CMTM7: variants seen among roughly 807,000 people sequenced by gnomAD.
CMTM7 encodes the protein CKLF like MARVEL transmembrane domain containing 7, also known as CKLF-like MARVEL transmembrane domain-containing protein 7.
CMTM7 carries 7 observed loss-of-function variants against 19.3 expected under a neutral mutation model. That is an observed-to-expected ratio of 0.36 (90% CI 0.21 to 0.68). The LOEUF is 0.68. CMTM7 is among the 30% of genes least tolerant of loss of function. The pLI, the probability that CMTM7 is intolerant of heterozygous loss-of-function variation, is 0.60. For synonymous variants in CMTM7, 87 were observed against 99.3 expected (o/e 0.88, Z 0.74); for missense variants, 193 against 232.6 (o/e 0.83, Z 1.11).
At chr3:32,420,114 T>A (rs991289927) in intron 1 of CMTM7, among the ~76,000 whole-genome samples, 1 of 152,236 alleles carries the variant, frequency 6.6e-6, no homozygotes, top group Non-Finnish European at 1.5e-5. Context: ...GTTGTCACCT[T>A]AGAAGAACAG....
chr3:32,402,724 G>A (rs982387156), intron 1 of CMTM7, among the ~76,000 whole-genome samples: 18 of 152,108 alleles, frequency 1.2e-4, no homozygotes, highest in African/African-American at 4.1e-4. Flanking sequence ...CCGCTACTGC[G>A]CCCGGCTAAC....
intron 1 of CMTM7, among the ~76,000 whole-genome samples, chr3:32,407,888 C>T (rs347127): frequency 0.29 from 43,763 of 152,104 alleles, 7,786 homozygotes; most frequent in South Asian, 0.42. Flanking sequence ...AGATTATTTT[C>T]TAGATGTAGT....
intron 1 of CMTM7, among the ~76,000 whole-genome samples, chr3:32,416,402 C>A (rs1429441178): frequency 3.0e-5 from 2 of 66,222 alleles, no homozygotes; most frequent in Non-Finnish European, 5.2e-5. Flanking sequence ...TTTTTTGAGA[C>A]GGAGTCTCGC....
intron 1 of CMTM7, among the ~76,000 whole-genome samples, chr3:32,439,677 T>G (rs1696647634): frequency 6.6e-6 from 1 of 152,226 alleles, no homozygotes; most frequent in African/African-American, 2.4e-5. Context: ...GGTCTCAAAC[T>G]CCTGGCTTCA....
At chr3:32,397,330 G>A (rs1270575026) in intron 1 of CMTM7, among the ~76,000 whole-genome samples, 1 of 137,478 alleles carries the variant, frequency 7.3e-6, no homozygotes, top group African/African-American at 2.6e-5. Flanking sequence ...AAGAACTTAT[G>A]AGTGTACCAT....
At chr3:32,394,339 A>G (rs372955944) in intron 1 of CMTM7, among the ~76,000 whole-genome samples, 1 of 152,140 alleles carries the variant, frequency 6.6e-6, no homozygotes, top group Admixed American at 6.5e-5. Flanking sequence ...CTTTCTTTCT[A>G]TGGGTCTCTC....
intron 1 of CMTM7, among the ~76,000 whole-genome samples, chr3:32,412,010 C>T (rs776253920): frequency 6.6e-6 from 1 of 152,184 alleles, no homozygotes. Flanking sequence ...GGTTTGCAAT[C>T]TTCTTGGTCA....
rs59568281 is a variant in CMTM7, at chr3:32,442,498, C to CA, written c.333+514dup. 4.0e-3 allele frequency among the ~76,000 whole-genome samples: 320 copies of CA among 80,024 alleles called. 10 individuals are homozygous for CA. The highest frequency in any genetic ancestry group is 7.2e-3 in the African/African-American group (148 of 20,618). 52.5% of individuals were successfully genotyped at this position (80,024 alleles called of 152,430 possible). Reference sequence around the variant, plus strand: ...CTGGGTGACAGAGCGAGACTCCTCTCAAAAAAAAAAAAAAAAAAAAAAAAA... The same window carrying CA: ...CTGGGTGACAGAGCGAGACTCCTCTCAAAAAAAAAAAAAAAAAAAAAAAAAA... On this transcript the variant is annotated intron_variant, in intron 2 of 4. Transcript: ENST00000334983.
chr3:32,419,029 C>T (rs1033586887), intron 1 of CMTM7, among the ~76,000 whole-genome samples: 1 of 152,186 alleles, frequency 6.6e-6, no homozygotes, highest in Admixed American at 6.5e-5. Flanking sequence ...TCTATGAACA[C>T]GGTGAGCCCT....
At chr3:32,397,238 T>C (rs1394025676) in intron 1 of CMTM7, among the ~76,000 whole-genome samples, 3 of 149,060 alleles carry the variant, frequency 2.0e-5, no homozygotes, top group African/African-American at 7.4e-5. Context: ...TTAAAAATAG[T>C]GTACTTTATT....
Position 32,392,002 on chromosome 3 carries a change from G to T in CMTM7, c.96G>T (p.Leu32Phe). The T allele has an allele frequency of 8.1e-7, 1 of 1,234,212 alleles. No homozygotes were observed. The allele number at this position is 1,234,212 out of a possible 1,614,324, so 76.5% of individuals were successfully genotyped here. Residue 32 changes from leucine (L) to phenylalanine (F), a missense_variant, in exon 1 of 5, where the codon TTG (leucine) becomes TTT (phenylalanine). By Grantham distance (22) the Leu-to-Phe change is conservative (BLOSUM62 0). Transcript: ENST00000334983. ...CGGCCCAGCCCAGCGCGAGCCCCTT[G>T]GAGGGGCTGCTGGACCTCAGCTACC... is the stretch of plus-strand genomic sequence containing the variant. ...AGAAQPSASP[L>F]EGLLDLSYPR...
rs1559401304 is a variant in CMTM7 at position 32,404,142 on chromosome 3, C to CTTTTTTTTCTTTTTTTTTTTTT, written c.159+12085_159+12086insCTTTTTTTTTTTTTTTTTTTTT. Among the ~76,000 whole-genome samples the CTTTTTTTTCTTTTTTTTTTTTT allele has an allele frequency of 1.4e-4, 15 of 109,230 alleles. 3 individuals carry two copies. Among genetic ancestry groups the CTTTTTTTTCTTTTTTTTTTTTT allele is most frequent in the African/African-American group, 4.2e-4 (10 of 23,552 alleles). 71.7% of individuals were successfully genotyped at this position (109,230 alleles called of 152,430 possible). ...CCTTTGTTTAATCTTTTCTTTCTTTCTTTTTTTTTCTTTTTTTTTCTTTTT... is the reference window on the plus strand; with the variant it reads ...CCTTTGTTTAATCTTTTCTTTCTTTCTTTTTTTTCTTTTTTTTTTTTTTTTTTTTTTCTTTTTTTTTCTTTTT... On this transcript the variant is annotated intron_variant, in intron 1 of 4. Coordinates refer to ENST00000334983, the MANE Select transcript of CMTM7 (RefSeq NM_138410.4).
At chr3:32,416,974 T>G (rs992461884) in intron 1 of CMTM7, among the ~76,000 whole-genome samples, 5 of 152,214 alleles carry the variant, frequency 3.3e-5, no homozygotes, top group Non-Finnish European at 7.3e-5. Context: ...AGATGTCTTT[T>G]TCTTTTAAGT....
At chr3:32,440,570 G>A (rs1696659999) in intron 1 of CMTM7, among the ~76,000 whole-genome samples, 1 of 152,164 alleles carries the variant, frequency 6.6e-6, no homozygotes, top group South Asian at 2.1e-4. Context: ...TTGAGCTCAG[G>A]AGTTTGAAAC....
chr3:32,454,149 CT>C (rs1696875095), intron 4 of CMTM7, 91 bp from the exon 5 acceptor site: 3 of 1,386,934 alleles, frequency 2.2e-6, no homozygotes, highest in African/African-American at 2.9e-5. Flanking sequence ...AGGTGCCCCC[CT>C]GAGCAGAACT....
chr3:32,425,627 G>A (rs755317848), intron 1 of CMTM7, among the ~76,000 whole-genome samples: 6 of 152,116 alleles, frequency 3.9e-5, no homozygotes, highest in Non-Finnish European at 8.8e-5. Flanking sequence ...TGTTCGGTTG[G>A]TGGGGGAAGA....
chr3:32,437,309 G>A (rs1392754116), intron 1 of CMTM7, among the ~76,000 whole-genome samples: 1 of 152,062 alleles, frequency 6.6e-6, no homozygotes, highest in Non-Finnish European at 1.5e-5. Flanking sequence ...TTAAACCCCT[G>A]GACATGGCTG....
chr3:32,398,107 G>GA (rs1486122828), intron 1 of CMTM7, among the ~76,000 whole-genome samples: 1 of 152,130 alleles, frequency 6.6e-6, no homozygotes, highest in East Asian at 1.9e-4. Flanking sequence ...GGTTGGGAAG[G>GA]AAAAAGATGT....
At chr3:32,412,480 G>GACACACACACACACAC (rs3081435) in intron 1 of CMTM7, among the ~76,000 whole-genome samples, 1 of 120,418 alleles carries the variant, frequency 8.3e-6, no homozygotes. Flanking sequence ...GATTGAGACT[G>GACACACACACACACAC]ACACACACAC....
Sources: gnomAD v4.1 joint callset for allele counts (sites outside exome capture counted in the v4.1 genomes callset) on GRCh38, gnomAD v4.1.1 for gene constraint, MANE v1.5 for transcripts, NCBI Gene and HGNC (gene_info 2026-07-23, HGNC 2026-07-21) for gene names.